The following MYO1B variants were observed in gnomAD, a reference collection of about 807,000 sequenced individuals.
MYO1B encodes unconventional myosin-Ib.
Under a neutral mutation model 159.7 loss-of-function variants are expected in MYO1B, and 72 were observed. The observed-to-expected ratio is 0.45, with a 90% CI of 0.37 to 0.55. The LOEUF is 0.55. Ranked by LOEUF, MYO1B falls within the 20% of genes least tolerant of loss-of-function variation. The pLI, the probability that MYO1B is intolerant of heterozygous loss-of-function variation, is 0.00. For synonymous variants in MYO1B, 468 were observed against 473.8 expected (o/e 0.99, Z 0.16); for missense variants, 1,062 against 1,364.8 (o/e 0.78, Z 3.50).
chr2:191,274,285 A>G lies in MYO1B; in HGVS notation c.-9-2602A>G, dbSNP rs185919696. Among the ~76,000 whole-genome samples the G allele has an allele frequency of 4.5e-4, 69 of 152,308 alleles. 1 individual carries two copies. The highest frequency in any genetic ancestry group is 3.7e-3 in the Admixed American group (57 of 15,310). ...ACCTGTAACTCAGCATTTCTTTTGCACTCTATTCCTCTTTGGATTAGAAAG... is the reference window on the plus strand; with the variant it reads ...ACCTGTAACTCAGCATTTCTTTTGCGCTCTATTCCTCTTTGGATTAGAAAG... On this transcript the variant is annotated intron_variant, in intron 1 of 30. Transcript: ENST00000392318.
chr2:191,394,336 C>T (rs1041418871), intron 20 of MYO1B, among the ~76,000 whole-genome samples: 6 of 152,116 alleles, frequency 3.9e-5, no homozygotes, highest in South Asian at 2.1e-4. Flanking sequence ...CATAATGCTC[C>T]GTTTTCTGTT....
intron 1 of MYO1B, among the ~76,000 whole-genome samples, chr2:191,276,308 AAACATTTTT>A (rs1201661775): frequency 2.0e-5 from 3 of 152,194 alleles, no homozygotes; most frequent in African/African-American, 7.2e-5. Flanking sequence ...ATCAAATGCA[AAACATTTTT>A]AAGTAACCAT....
intron 2 of MYO1B, among the ~76,000 whole-genome samples, chr2:191,295,855 T>A (rs1222538219): frequency 6.6e-6 from 1 of 152,176 alleles, no homozygotes; most frequent in Non-Finnish European, 1.5e-5. Context: ...CCGAGAACCG[T>A]AAATTAGTTC....
At chr2:191,376,385 A>G (rs1044910538) in intron 13 of MYO1B, among the ~76,000 whole-genome samples, 2 of 152,166 alleles carry the variant, frequency 1.3e-5, no homozygotes, top group Admixed American at 1.3e-4. Context: ...GGTTAAGTGC[A>G]TTATATTTTT....
At chr2:191,363,135 C>T (rs557893986) in intron 9 of MYO1B, among the ~76,000 whole-genome samples, 4 of 152,240 alleles carry the variant, frequency 2.6e-5, no homozygotes, top group Non-Finnish European at 4.4e-5. Context: ...TACAGTATGT[C>T]GTTTTAAAAA....
chr2:191,287,485 G>A (rs1050650799), intron 2 of MYO1B, among the ~76,000 whole-genome samples: 10 of 151,540 alleles, frequency 6.6e-5, no homozygotes, highest in South Asian at 2.1e-4. Context: ...AGCCAAGATC[G>A]CGCCATTGTA....
chr2:191,396,797 G>A (rs985173660), intron 21 of MYO1B, among the ~76,000 whole-genome samples: 6 of 152,146 alleles, frequency 3.9e-5, no homozygotes, highest in Non-Finnish European at 7.4e-5. Flanking sequence ...GAAAAGCTGT[G>A]GTACAGAAGG....
chr2:191,304,423 A>T (rs1214072867), intron 3 of MYO1B, among the ~76,000 whole-genome samples: 1 of 152,134 alleles, frequency 6.6e-6, no homozygotes, highest in Non-Finnish European at 1.5e-5. Flanking sequence ...ATACAAAATT[A>T]GCCTGGCGTA....
At chr2:191,378,438 T>G (rs1173947540) in intron 13 of MYO1B, among the ~76,000 whole-genome samples, 1 of 151,924 alleles carries the variant, frequency 6.6e-6, no homozygotes, top group Admixed American at 6.6e-5. Context: ...AGCAATGTTT[T>G]GGGGGCAGGG....
intron 4 of MYO1B, among the ~76,000 whole-genome samples, chr2:191,333,750 A>C (rs560582373): frequency 1.3e-5 from 2 of 152,208 alleles, no homozygotes; most frequent in East Asian, 3.9e-4. Context: ...AACCTGTGGG[A>C]AACTTTACAG....
intron 1 of MYO1B, among the ~76,000 whole-genome samples, chr2:191,261,202 G>A (rs755994414): frequency 6.6e-6 from 1 of 152,134 alleles, no homozygotes; most frequent in Admixed American, 6.5e-5. Flanking sequence ...CCAGACCTGC[G>A]TGTGCCCGGT....
In MYO1B at chr2:191,318,101, A is replaced by G. The variant is rs190707417; in HGVS notation, c.252-11834A>G. On this transcript the variant is annotated intron_variant, in intron 3 of 30. Transcript: ENST00000392318. ...CACTCTCAAAAGAAACTGTAAACAA[A>G]AAAAGTCTCCCAAACTTAAAACACA... Among the ~76,000 whole-genome samples, 14 of 152,302 alleles carry G rather than the reference A, an allele frequency of 9.2e-5. No homozygotes were observed. In the East Asian group the frequency reaches 2.7e-3, roughly 29 times the overall value.
chr2:191,369,448 T>C, intron 11 of MYO1B, 94 bp from the exon 12 acceptor site: 1 of 947,260 alleles, frequency 1.1e-6, no homozygotes, highest in Non-Finnish European at 1.6e-6. Flanking sequence ...ATAAAAGAGC[T>C]TCAAATATTT....
intron 7 of MYO1B, 157 bp downstream of exon 7, chr2:191,350,382 T>C: frequency 6.2e-6 from 3 of 481,172 alleles, no homozygotes; most frequent in Non-Finnish European, 1.1e-5. Flanking sequence ...TGTTTTATAA[T>C]AGAATGTAAT....
chr2:191,398,395 ACGGGGCGGCTGGCCGGG>A (rs1696323126), intron 21 of MYO1B, among the ~76,000 whole-genome samples: 2 of 103,826 alleles, frequency 1.9e-5, no homozygotes, highest in South Asian at 6.8e-4. Flanking sequence ...CACCTCCCGG[ACGGGGCGGCTGGCCGGG>A]CGGGGGGCTG....
In MYO1B at chr2:191,414,997, G is replaced by T. The variant is rs576325746; in HGVS notation, c.3159+328G>T. Among the ~76,000 whole-genome samples the T allele has an allele frequency of 7.2e-5, 11 of 152,182 alleles. No homozygotes were observed. The East Asian group carries it at 2.1e-3, about 29-fold the overall frequency. On this transcript the variant is annotated intron_variant, in intron 29 of 30. Transcript: ENST00000392318. The stretch of plus-strand genomic sequence containing the variant: ...TCTAATCTGGGGGTTTACATTAAAG[G>T]ATACAACTAAAATAAAATAACCGCC...
intron 21 of MYO1B, among the ~76,000 whole-genome samples, chr2:191,398,828 G>C (rs1280067549): frequency 6.6e-5 from 10 of 151,850 alleles, no homozygotes; most frequent in African/African-American, 2.2e-4. Flanking sequence ...ACGATGGGCG[G>C]CCAGGCAGAG....
chr2:191,341,405 A>C lies in MYO1B; in HGVS notation c.347-56A>C. On this transcript the variant is annotated intron_variant, in intron 4 of 30. Transcript: ENST00000392318. Reference sequence around the variant, plus strand: ...CTTCTCCCACATTTCCTCCTCCCCAAAAAGATTTTTTAAATTTCTGTGTTA... The same window carrying C: ...CTTCTCCCACATTTCCTCCTCCCCACAAAGATTTTTTAAATTTCTGTGTTA... The C allele has an allele frequency of 6.7e-6, 10 of 1,502,192 alleles. 1 individual carries two copies. In the South Asian group the frequency reaches 1.2e-4, roughly 18 times the overall value. The allele number at this position is 1,502,192 out of a possible 1,614,324, so 93.1% of individuals were successfully genotyped here.
chr2:191,317,088 C>T (rs1045835752), intron 3 of MYO1B, among the ~76,000 whole-genome samples: 1 of 152,090 alleles, frequency 6.6e-6, no homozygotes, highest in African/African-American at 2.4e-5. Flanking sequence ...TGATAGGTAG[C>T]TCTTGGTAGC....
Sources: allele counts gnomAD v4.1 joint callset (sites outside exome capture counted in the v4.1 genomes callset), GRCh38; gene constraint gnomAD v4.1.1; transcripts MANE v1.5; gene names NCBI Gene and HGNC (gene_info 2026-07-23, HGNC 2026-07-21).